The following DNAI3 variants were observed in gnomAD, a reference collection of about 807,000 sequenced individuals.
DNAI3 encodes the protein dynein axonemal intermediate chain 3.
In DNAI3, 83 loss-of-function variants were observed where a neutral mutation model predicts 115.5. The observed-to-expected ratio is 0.72, with a 90% confidence interval of 0.60 to 0.86. The LOEUF is 0.86. Ranked by LOEUF, DNAI3 falls within the 40% of genes least tolerant of loss-of-function variation. The probability of loss-of-function intolerance (pLI) is 0.00; values close to 1 mark genes in which losing one functional copy is unlikely to be tolerated. For missense variants in DNAI3, 1,004 were observed against 1,075.8 expected, an observed-to-expected ratio of 0.93 and a Z score of 0.93; for synonymous variants, 320 against 347.0, an observed-to-expected ratio of 0.92 and a Z score of 0.86.
At chr1:85,094,340 T>C (rs960447213) in intron 9 of DNAI3, 91 bp from the exon 10 acceptor site, 3 of 1,533,512 alleles carry the variant, frequency 2.0e-6, no homozygotes, top group African/African-American at 2.7e-5. Flanking sequence ...AAAGTGTAAA[T>C]GAAGAGTGGC....
chr1:85,126,811 T>G, intron 20 of DNAI3, 96 bp downstream of exon 20: 2 of 1,413,386 alleles, frequency 1.4e-6, no homozygotes, highest in Non-Finnish European at 2.0e-6. Flanking sequence ...ATTTCTTAGT[T>G]TTTTGTTTTT....
At chr1:85,112,480 G>A (rs2100602029) in intron 16 of DNAI3, among the ~76,000 whole-genome samples, 1 of 152,210 alleles carries the variant, frequency 6.6e-6, no homozygotes, top group East Asian at 1.9e-4. Context: ...GTATTATATG[G>A]CAGGTGTATG....
intron 6 of DNAI3, 84 bp from the exon 7 acceptor site, chr1:85,085,747 C>A: frequency 8.7e-7 from 1 of 1,153,074 alleles, no homozygotes; most frequent in Non-Finnish European, 1.3e-6. Context: ...ACAAAGGGCT[C>A]TGAGTGGATC....
intron 17 of DNAI3, among the ~76,000 whole-genome samples, chr1:85,119,925 C>A (rs1223532802): frequency 6.6e-6 from 1 of 152,202 alleles, no homozygotes; most frequent in African/African-American, 2.4e-5. Flanking sequence ...GTCTTGAACT[C>A]CTGACCTCAG....
chr1:85,129,619 C>G (rs754560408), intron 21 of DNAI3, among the ~76,000 whole-genome samples: 42 of 152,252 alleles, frequency 2.8e-4, no homozygotes, highest in South Asian at 2.1e-3. Flanking sequence ...GAAAAAGCAA[C>G]CCCTGAATAT....
chr1:85,066,703 A>G (rs928948402), intron 1 of DNAI3, among the ~76,000 whole-genome samples: 1 of 152,054 alleles, frequency 6.6e-6, no homozygotes, highest in African/African-American at 2.4e-5. Flanking sequence ...TTCAAAGTAA[A>G]CTTAGACTAA....
chr1:85,110,484 C>A (rs817484), intron 16 of DNAI3, among the ~76,000 whole-genome samples: 148,227 of 150,970 alleles, frequency 0.98, 72,805 homozygotes, highest in South Asian at 1. Context: ...TAAATAAATA[C>A]ATTTACTAAT....
chr1:85,106,911 A>G (rs1413805220), intron 14 of DNAI3, among the ~76,000 whole-genome samples: 2 of 152,242 alleles, frequency 1.3e-5, no homozygotes, highest in African/African-American at 4.8e-5. Flanking sequence ...TGTAAGAGCT[A>G]AAACTAGAAA....
At chr1:85,092,905 G>A (rs1445435546) in intron 8 of DNAI3, among the ~76,000 whole-genome samples, 5 of 151,928 alleles carry the variant, frequency 3.3e-5, no homozygotes, top group Admixed American at 2.0e-4. Context: ...ATGTATTGGG[G>A]CTATCCTGTT....
intron 14 of DNAI3, among the ~76,000 whole-genome samples, chr1:85,105,927 G>A (rs1302977003): frequency 1.3e-5 from 2 of 152,182 alleles, no homozygotes; most frequent in Non-Finnish European, 2.9e-5. Context: ...TGCATGTAAT[G>A]GAGAACGGGG....
At position 85,086,041 on chromosome 1, in the gene DNAI3, G is replaced by A; in HGVS notation, c.740+11G>A. On this transcript the variant is annotated intron_variant, in intron 7 of 22. Transcript: ENST00000294664. ...CACTCAGACAAAATGGTAAGTATGTGATGGGTGTATGTAATTTTATAGCCA... is the reference window on the plus strand; with the variant it reads ...CACTCAGACAAAATGGTAAGTATGTAATGGGTGTATGTAATTTTATAGCCA... 1 of 1,611,900 alleles carries A rather than the reference G, an allele frequency of 6.2e-7. No individual in the cohort carries two copies. Among genetic ancestry groups the A allele is most frequent in the Non-Finnish European group, 8.5e-7 (1 of 1,178,994 alleles).
intron 5 of DNAI3, among the ~76,000 whole-genome samples, chr1:85,083,032 A>T (rs1654681013): frequency 6.6e-6 from 1 of 152,190 alleles, no homozygotes; most frequent in Admixed American, 6.5e-5. Context: ...CAAGGTGGGT[A>T]AGAAAGGTAA....
chr1:85,100,132 T>C (rs1655246982), intron 13 of DNAI3, among the ~76,000 whole-genome samples: 1 of 152,034 alleles, frequency 6.6e-6, no homozygotes, highest in Admixed American at 6.5e-5. Context: ...GGGATCTAAT[T>C]AAACTAAAGA....
chr1:85,087,253 C>T (rs903139470), intron 7 of DNAI3, among the ~76,000 whole-genome samples: 2 of 151,728 alleles, frequency 1.3e-5, no homozygotes, highest in Non-Finnish European at 2.9e-5. Context: ...CTGGCCAACA[C>T]GGTGAAACCC....
chr1:85,096,465 T>C (rs1316771275), intron 11 of DNAI3, among the ~76,000 whole-genome samples: 1 of 147,674 alleles, frequency 6.8e-6, no homozygotes, highest in Non-Finnish European at 1.5e-5. Flanking sequence ...TGTGTATATA[T>C]ATATATAGAT....
chr1:85,087,118 A>T (rs556530348), intron 7 of DNAI3, among the ~76,000 whole-genome samples: 1 of 152,180 alleles, frequency 6.6e-6, no homozygotes, highest in East Asian at 1.9e-4. Flanking sequence ...TGCTCAAATG[A>T]GGTGTTCCCT....
chr1:85,113,449 T>C (rs1163172617), intron 16 of DNAI3, among the ~76,000 whole-genome samples: 1 of 152,250 alleles, frequency 6.6e-6, no homozygotes, highest in Non-Finnish European at 1.5e-5. Context: ...TCCCACACCA[T>C]TTGTTGAATA....
chr1:85,098,160 C>A (rs1435125871), intron 12 of DNAI3, among the ~76,000 whole-genome samples: 2 of 152,100 alleles, frequency 1.3e-5, no homozygotes, highest in African/African-American at 4.8e-5. Flanking sequence ...ACCTACCCAC[C>A]ATATTATGCA....
At chr1:85,130,149 G>T in intron 22 of DNAI3, 37 bp downstream of exon 22, 1 of 1,610,938 alleles carries the variant, frequency 6.2e-7, no homozygotes, top group Non-Finnish European at 8.5e-7. Flanking sequence ...TGTTTTCCTC[G>T]AACACCAGTG....
Sources: gnomAD v4.1 joint callset for allele counts (sites outside exome capture counted in the v4.1 genomes callset) on GRCh38, gnomAD v4.1.1 for gene constraint, MANE v1.5 for transcripts, NCBI Gene and HGNC (gene_info 2026-07-23, HGNC 2026-07-21) for gene names.